Variants in NPAS2 observed in about 807,000 individuals in gnomAD.
The protein encoded by NPAS2 is neuronal PAS domain-containing protein 2.
NPAS2 carries 23 observed loss-of-function variants against 107.5 expected under a neutral mutation model. The observed-to-expected ratio is 0.21, with a 90% CI of 0.15 to 0.30. The LOEUF is 0.30. NPAS2 is among the 10% of genes least tolerant of loss of function. The pLI, the probability that NPAS2 is intolerant of heterozygous loss-of-function variation, is 1.00. For missense variants in NPAS2, 756 were observed against 1,043.3 expected (o/e 0.72, Z 3.79); for synonymous variants, 403 against 417.5 (o/e 0.97, Z 0.42).
At chr2:100,962,524 C>A (rs575442393) in intron 7 of NPAS2, among the ~76,000 whole-genome samples, 2 of 152,170 alleles carry the variant, frequency 1.3e-5, no homozygotes, top group Admixed American at 1.3e-4. Flanking sequence ...CACTGGTGAA[C>A]CTGCAGAGCC....
intron 3 of NPAS2, among the ~76,000 whole-genome samples, chr2:100,930,087 C>T (rs1268855834): frequency 6.6e-6 from 1 of 152,296 alleles, no homozygotes; most frequent in South Asian, 2.1e-4. Flanking sequence ...CTGTAAATAG[C>T]AGGACATATT....
chr2:100,858,150 A>G (rs780664818), intron 1 of NPAS2, among the ~76,000 whole-genome samples: 9 of 152,216 alleles, frequency 5.9e-5, no homozygotes, highest in Non-Finnish European at 1.0e-4. Flanking sequence ...TTTGCATCAT[A>G]TCAGGGACTT....
chr2:100,966,979 T>C (rs1247079987), intron 10 of NPAS2, among the ~76,000 whole-genome samples: 2 of 152,166 alleles, frequency 1.3e-5, no homozygotes, highest in African/African-American at 4.8e-5. Flanking sequence ...AAGCTAATCA[T>C]TAAAACTGTA....
chr2:100,990,324 C>A lies in NPAS2; in HGVS notation c.1896C>A (p.Ser632=). ...SSGRSGSSLV[S]PFSSATAALP... ...GCCGCTCTGGAAGCAGCCTAGTGTC[C>A]CCGTTCAGCAGCGCCACAGCTGCGC... The change falls in exon 18 of 21, where the codon TCC becomes TCA. Residue 632 remains serine (S), a synonymous_variant. Coordinates refer to ENST00000335681, the MANE Select transcript of NPAS2 (RefSeq NM_002518.4). 6.2e-7 allele frequency: 1 copy of A among 1,614,130 alleles called. No homozygotes were observed. The highest frequency in any genetic ancestry group is 8.5e-7 in the Non-Finnish European group (1 of 1,180,012).
intron 3 of NPAS2, among the ~76,000 whole-genome samples, chr2:100,925,560 T>C (rs1027600938): frequency 2.6e-5 from 4 of 152,156 alleles, no homozygotes; most frequent in African/African-American, 9.7e-5. Flanking sequence ...CGAAGCAGCG[T>C]GGCATTCACA....
chr2:100,980,955 A>G lies in NPAS2; in HGVS notation c.1483-1276A>G, dbSNP rs1181987981. On this transcript the variant is annotated intron_variant, in intron 15 of 20. Coordinates refer to ENST00000335681, the MANE Select transcript of NPAS2 (RefSeq NM_002518.4). ...ACCATCTCGCTGTGTGATTTCCAGC[A>G]GGGTGCAGCCTCTTGGGGTGGCATG... Among the ~76,000 whole-genome samples the G allele has an allele frequency of 2.7e-5, 4 of 147,550 alleles. No individual in the cohort carries two copies. The Admixed American group carries it at 2.7e-4, about 10-fold the overall frequency.
intron 2 of NPAS2, among the ~76,000 whole-genome samples, chr2:100,906,976 C>T (rs1411052438): frequency 6.6e-6 from 1 of 152,150 alleles, no homozygotes; most frequent in Non-Finnish European, 1.5e-5. Context: ...TATCCCCAGA[C>T]CACAAGAGGC....
chr2:100,984,448 G>C (rs1013012502), intron 16 of NPAS2: 1 of 152,120 alleles, frequency 6.6e-6, no homozygotes, highest in African/African-American at 2.4e-5. Context: ...GTGATGCCAA[G>C]GTTTCATTAT....
At position 100,878,684 on chromosome 2, in the gene NPAS2, G is replaced by A. The variant is rs541551760; in HGVS notation, c.-22-26049G>A. The A allele has an allele frequency of 4.4e-5, 38 of 856,568 alleles. No individual in the cohort carries two copies. The African/African-American group carries it at 6.6e-4, about 15-fold the overall frequency. 53.1% of individuals were successfully genotyped at this position (856,568 alleles called of 1,614,324 possible). A position where few individuals can be genotyped will look rare whatever the true frequency, so the allele number is the denominator to read the frequency against. On this transcript the variant is annotated intron_variant, in intron 1 of 20. Coordinates refer to ENST00000335681, the MANE Select transcript of NPAS2 (RefSeq NM_002518.4). ...AAAGTTTTCTAATTTTGGTGGCATT[G>A]ATTTTGTAGATTCTCACTGATACCC...
chr2:100,948,893 C>T (rs564425812), intron 6 of NPAS2, among the ~76,000 whole-genome samples: 3 of 152,270 alleles, frequency 2.0e-5, no homozygotes, highest in Admixed American at 6.5e-5. Flanking sequence ...TCGTGAACCA[C>T]GGGTCACTTA....
At chr2:100,956,696 A>T (rs1217671426) in intron 7 of NPAS2, among the ~76,000 whole-genome samples, 1 of 152,154 alleles carries the variant, frequency 6.6e-6, no homozygotes, top group South Asian at 2.1e-4. Flanking sequence ...CCAAAGAGAG[A>T]TGTGTAGGTT....
chr2:100,979,494 ATATATATATTTTTTTTTTT>A (rs1558935269), intron 15 of NPAS2, among the ~76,000 whole-genome samples: 1 of 74,874 alleles, frequency 1.3e-5, no homozygotes, highest in African/African-American at 7.6e-5. Context: ...ATATATATAT[ATATATATATTTTTTTTTTT>A]TTTTTTTTTT....
chr2:100,979,386 C>T (rs943573469), intron 15 of NPAS2, among the ~76,000 whole-genome samples: 1 of 149,116 alleles, frequency 6.7e-6, no homozygotes, highest in Non-Finnish European at 1.5e-5. Context: ...TCTGTGTTTA[C>T]AAGACACGAT....
chr2:100,933,718 C>T (rs1356673813), intron 4 of NPAS2, among the ~76,000 whole-genome samples: 3 of 152,174 alleles, frequency 2.0e-5, no homozygotes, highest in African/African-American at 7.2e-5. Context: ...CAACTGCCAA[C>T]GTGCTGTGGC....
At chr2:100,971,805 A>T (rs147118274) in intron 12 of NPAS2, among the ~76,000 whole-genome samples, 3 of 152,020 alleles carry the variant, frequency 2.0e-5, no homozygotes, top group Non-Finnish European at 4.4e-5. Context: ...CTGCAAGTAG[A>T]CCAGAGCCCT....
Position 100,838,611 on chromosome 2 carries a change from G to A in NPAS2, c.-23+18197G>A, listed in dbSNP as rs145732668. Among the ~76,000 whole-genome samples, 862 of 152,202 alleles carry A rather than the reference G, an allele frequency of 5.7e-3. 9 individuals are homozygous for A. The highest frequency in any genetic ancestry group is 0.02 in the African/African-American group (828 of 41,526). ...GAAGATTGATTTGCATAGTCAGTAC[G>A]CTGAGATGGAGAGAGCAGGACACCG... On this transcript the variant is annotated intron_variant, in intron 1 of 20. Coordinates refer to ENST00000335681, the MANE Select transcript of NPAS2 (RefSeq NM_002518.4).
intron 6 of NPAS2, among the ~76,000 whole-genome samples, 185 bp from the exon 7 acceptor site, chr2:100,949,182 A>G (rs1384007537): frequency 2.6e-5 from 4 of 152,222 alleles, no homozygotes; most frequent in African/African-American, 4.8e-5. Context: ...ATATCTATGA[A>G]CTATGGAAGG....
At chr2:100,819,546 G>T (rs1377256056), upstream of NPAS2, among the ~76,000 whole-genome samples, 4 of 152,178 alleles carry the variant, frequency 2.6e-5, no homozygotes, top group African/African-American at 9.6e-5. This position sits in a 1 kb window ranked among gnomAD's most constrained non-coding sequence, Gnocchi z 5.8. Context: ...CGCGCTTTGT[G>T]CCCTGGGTCG....
chr2:100,870,430 C>T (rs1455167548), intron 1 of NPAS2, among the ~76,000 whole-genome samples: 1 of 151,988 alleles, frequency 6.6e-6, no homozygotes, highest in East Asian at 1.9e-4. Context: ...GGGTCTTGCT[C>T]TGTTGCCCAG....
Sources: gnomAD v4.1 joint callset for allele counts (sites outside exome capture counted in the v4.1 genomes callset) on GRCh38, gnomAD v4.1.1 for gene constraint, Gnocchi (gnomAD v3.1) non-coding constraint, MANE v1.5 for transcripts, NCBI Gene and HGNC (gene_info 2026-07-23, HGNC 2026-07-21) for gene names.